GPR55: variants seen among roughly 807,000 people sequenced by gnomAD.
The protein encoded by GPR55 is G-protein coupled receptor 55.
Under a neutral mutation model 7.9 loss-of-function variants are expected in GPR55, and 6 were observed. That is an observed-to-expected ratio of 0.76 (90% CI 0.41 to 1.49). GPR55 has a LOEUF of 1.49. Ranked by LOEUF, GPR55 falls within the 40% of genes most tolerant of loss-of-function variation. GPR55 has a pLI of 0.01. For missense variants in GPR55, 376 were observed against 406.0 expected (o/e 0.93, Z 0.63); for synonymous variants, 183 against 166.8 (o/e 1.10, Z -0.75).
At chr2:230,942,203 C>T (rs1192379994) in intron 1 of GPR55, among the ~76,000 whole-genome samples, 1 of 152,262 alleles carries the variant, frequency 6.6e-6, no homozygotes, top group African/African-American at 2.4e-5. Flanking sequence ...CACACTCACA[C>T]TCCAGGGCTG....
chr2:230,954,723 T>G (rs111236575), intron 1 of GPR55, among the ~76,000 whole-genome samples: 14 of 150,450 alleles, frequency 9.3e-5, no homozygotes, highest in African/African-American at 3.5e-4. Flanking sequence ...ATTCTTTCTG[T>G]TTTTTTGTAC....
chr2:230,910,329 G>A lies in GPR55; in HGVS notation c.634C>T (p.Arg212Ter), dbSNP rs554032648. The change falls in exon 2 of 2, where the codon CGA becomes TGA. Residue 212 changes from arginine (R) to a stop codon, truncating the protein, a stop_gained. Coordinates refer to ENST00000650999, the MANE Select transcript of GPR55 (RefSeq NM_005683.4). LOFTEE classifies it high-confidence loss of function. This position sits in a 1 kb window ranked among gnomAD's most constrained non-coding sequence, Gnocchi z 5.4. Reference protein sequence around the residue: ...SRSIHILLGRRDHTQDWVQQK... With the variant: ...SRSIHILLGR ...TGCACCCAGTCCTGGGTGTGGTCTC[G>A]GCGGCCCAGCAGGATGTGGATGCTC... 25 of 1,613,574 alleles carry A rather than the reference G, an allele frequency of 1.5e-5. No homozygotes were observed. Among genetic ancestry groups the A allele is most frequent in the South Asian group, 8.8e-5 (8 of 91,044 alleles).
intron 1 of GPR55, among the ~76,000 whole-genome samples, chr2:230,920,858 T>A (rs955073529): frequency 9.8e-5 from 5 of 50,944 alleles, no homozygotes; most frequent in Non-Finnish European, 1.8e-4. Flanking sequence ...TTATGCAAAT[T>A]TATAAACAAT....
chr2:230,930,784 C>A (rs774338470), intron 1 of GPR55, among the ~76,000 whole-genome samples: 3 of 152,150 alleles, frequency 2.0e-5, no homozygotes, highest in South Asian at 2.1e-4. Flanking sequence ...CTTTGTTTTG[C>A]GGCATGGAAA....
intron 1 of GPR55, among the ~76,000 whole-genome samples, chr2:230,947,179 C>A: frequency 6.6e-6 from 1 of 152,156 alleles, no homozygotes; most frequent in East Asian, 1.9e-4. Context: ...GCCTGGCTGC[C>A]AACAACCCAG....
chr2:230,960,899 A>G (rs1223510882), exon 1 of GPR55: 2 of 152,188 alleles, frequency 1.3e-5, no homozygotes, highest in Non-Finnish European at 2.9e-5. Flanking sequence ...GGGTCCCTGT[A>G]GTAGGGAAGC....
chr2:230,951,755 G>T (rs1009366568), intron 1 of GPR55, among the ~76,000 whole-genome samples: 23 of 148,224 alleles, frequency 1.6e-4, no homozygotes, highest in African/African-American at 4.8e-4. Context: ...TTGTTATTGG[G>T]GTTTTTTTTT....
chr2:230,949,873 C>T (rs1473688757), intron 1 of GPR55, among the ~76,000 whole-genome samples: 1 of 152,070 alleles, frequency 6.6e-6, no homozygotes, highest in East Asian at 1.9e-4. Context: ...CTCGCTCTGT[C>T]ACCCAGGCTG....
At chr2:230,950,974 C>T (rs1317245968) in intron 1 of GPR55, among the ~76,000 whole-genome samples, 1 of 152,194 alleles carries the variant, frequency 6.6e-6, no homozygotes, top group African/African-American at 2.4e-5. Context: ...TTCCTGGAAG[C>T]TCCATGCCCC....
intron 1 of GPR55, among the ~76,000 whole-genome samples, chr2:230,932,214 G>A (rs184418944): frequency 2.6e-5 from 4 of 152,336 alleles, no homozygotes; most frequent in South Asian, 4.1e-4. Context: ...GCGCCTGCCC[G>A]TCAGGTGGTT....
intron 1 of GPR55, among the ~76,000 whole-genome samples, chr2:230,943,775 G>A (rs769168475): frequency 4.6e-5 from 7 of 152,082 alleles, no homozygotes; most frequent in Non-Finnish European, 1.0e-4. Context: ...GAAAGTGTGC[G>A]GCACCTCCCC....
chr2:230,937,825 C>G (rs1008703065), intron 1 of GPR55, among the ~76,000 whole-genome samples: 3 of 152,004 alleles, frequency 2.0e-5, no homozygotes, highest in African/African-American at 7.3e-5. Context: ...AACCACCAAA[C>G]AGAATAGAGA....
chr2:230,932,331 A>G (rs1315567415), intron 1 of GPR55, among the ~76,000 whole-genome samples: 1 of 152,196 alleles, frequency 6.6e-6, no homozygotes, highest in Non-Finnish European at 1.5e-5. Flanking sequence ...GAAAATTACC[A>G]CCGGCTGGAT....
intron 1 of GPR55, among the ~76,000 whole-genome samples, chr2:230,952,834 C>T (rs931506055): frequency 6.6e-6 from 1 of 152,230 alleles, no homozygotes; most frequent in Non-Finnish European, 1.5e-5. Context: ...CTCTCCCCCT[C>T]CTCTTTCCTT....
Position 230,924,175 on chromosome 2 carries a change from G to A in GPR55, c.-135+993C>T, listed in dbSNP as rs753505931. Among the ~76,000 whole-genome samples, 3 of 152,184 alleles carry A rather than the reference G, an allele frequency of 2.0e-5. No individual in the cohort carries two copies. Among genetic ancestry groups the A allele is most frequent in the Non-Finnish European group, 4.4e-5 (3 of 68,026 alleles). On this transcript the variant is annotated intron_variant, in intron 1 of 1. Transcript: ENST00000650999. This position sits in a 1 kb window ranked among gnomAD's most constrained non-coding sequence, Gnocchi z 4.5. ...TCACATACAGTTTGTCGTTGGGAAG[G>A]TCTTATTGCATGAAAGAGGGGGTGA...
rs1165341623 is a variant in GPR55 at position 230,909,200 on chromosome 2, G to A, written c.*803C>T. The A allele has an allele frequency of 1.3e-5, 2 of 152,394 alleles. No individual in the cohort carries two copies. Among genetic ancestry groups the A allele is most frequent in the Non-Finnish European group, 2.9e-5 (2 of 68,172 alleles). 9.4% of individuals were successfully genotyped at this position (152,394 alleles called of 1,614,324 possible). On this transcript the variant is annotated 3_prime_UTR_variant, in exon 2 of 2. Coordinates refer to ENST00000650999, the MANE Select transcript of GPR55 (RefSeq NM_005683.4). ...TGGGCCAGCACCAACACTCCGTGCT[G>A]TGGACACCCTGATGGTGATAGGGGA...
intron 1 of GPR55, among the ~76,000 whole-genome samples, chr2:230,949,856 C>T (rs1309957696): frequency 6.6e-6 from 1 of 151,106 alleles, no homozygotes; most frequent in Non-Finnish European, 1.5e-5. Context: ...TTTTTTGAGA[C>T]AAGAGTCTCG....
At chr2:230,938,212 G>A (rs1420965323) in intron 1 of GPR55, among the ~76,000 whole-genome samples, 1 of 142,326 alleles carries the variant, frequency 7.0e-6, no homozygotes, top group East Asian at 2.2e-4. Context: ...GGGGGTTTGT[G>A]TAAAACATCA....
intron 1 of GPR55, among the ~76,000 whole-genome samples, chr2:230,919,850 C>T (rs540547668): frequency 2.6e-5 from 4 of 151,956 alleles, no homozygotes; most frequent in Middle Eastern, 3.4e-3. Flanking sequence ...GGTAAATTTA[C>T]TCAATGGAAA....
Sources: gnomAD v4.1 joint callset for allele counts (sites outside exome capture counted in the v4.1 genomes callset) on GRCh38, gnomAD v4.1.1 for gene constraint, Gnocchi (gnomAD v3.1) non-coding constraint, MANE v1.5 for transcripts, NCBI Gene and HGNC (gene_info 2026-07-23, HGNC 2026-07-21) for gene names.